PKD1L3: variants seen among roughly 807,000 people sequenced by gnomAD.
PKD1L3 encodes the protein polycystin 1 like 3, transient receptor potential channel interacting.
PKD1L3 carries 239 observed loss-of-function variants against 184.1 expected under a neutral mutation model. The ratio of observed to expected loss-of-function variants is 1.30; its 90% confidence interval spans 1.17 to 1.45. The LOEUF (loss-of-function observed/expected upper bound fraction) is 1.45, where lower values mean the gene tolerates loss of function less well. PKD1L3 is among the 40% of genes most tolerant of loss of function. The probability of loss-of-function intolerance (pLI) is 0.00; values close to 1 mark genes in which losing one functional copy is unlikely to be tolerated. For missense variants in PKD1L3, 2,660 were observed against 2,067.2 expected (o/e 1.29, Z -5.56); for synonymous variants, 996 against 778.8 (o/e 1.28, Z -4.64).
rs552886843 is a variant in PKD1L3, at chr16:71,961,128, TTC to T, written c.2612+2075_2612+2076del. On this transcript the variant is annotated intron_variant, in intron 16 of 29. Transcript: ENST00000620267. ...TTTTTAGTTTCAAGACTTATTTGTT[TTC>T]TCTGTTTTGTTTTGAGATGGAGTCT... Among the ~76,000 whole-genome samples the T allele has an allele frequency of 9.2e-5, 14 of 152,212 alleles. No homozygotes were observed. The East Asian group carries it at 2.7e-3, about 29-fold the overall frequency.
chr16:71,976,179 C>T (rs949251388), intron 11 of PKD1L3, among the ~76,000 whole-genome samples: 22 of 151,586 alleles, frequency 1.5e-4, no homozygotes, highest in Non-Finnish European at 3.1e-4. Context: ...AACTCCTGAC[C>T]TAAGTTGATC....
Position 71,973,308 on chromosome 16 carries a change from C to T in PKD1L3, c.1953+16G>A, listed in dbSNP as rs756978981. 148 of 1,549,932 alleles carry T rather than the reference C, an allele frequency of 9.5e-5. No homozygotes were observed. The highest frequency in any genetic ancestry group is 1.6e-4 in the Admixed American group (8 of 50,924). ...TATGGCAGAAGAGAGGCCCAAGAAGCGGCTCAGTTTCTTACTTGGCATCCG... is the reference window on the plus strand; with the variant it reads ...TATGGCAGAAGAGAGGCCCAAGAAGTGGCTCAGTTTCTTACTTGGCATCCG... On this transcript the variant is annotated intron_variant, in intron 12 of 29. Coordinates refer to ENST00000620267, the MANE Select transcript of PKD1L3 (RefSeq NM_181536.2).
intron 18 of PKD1L3, among the ~76,000 whole-genome samples, chr16:71,952,358 G>A: frequency 6.6e-6 from 1 of 151,458 alleles, no homozygotes; most frequent in East Asian, 1.9e-4. Flanking sequence ...GACTACAGAT[G>A]CATGCCATCA....
intron 16 of PKD1L3, among the ~76,000 whole-genome samples, chr16:71,961,306 A>T (rs1193943313): frequency 9.9e-5 from 15 of 151,998 alleles, no homozygotes. Flanking sequence ...TATTTTTGGT[A>T]GAGAAGGGGT....
intron 5 of PKD1L3, among the ~76,000 whole-genome samples, chr16:71,985,996 C>G (rs191247955): frequency 2.3e-3 from 349 of 152,282 alleles, no homozygotes; most frequent in Non-Finnish European, 4.1e-3. Flanking sequence ...CCATCTGAAG[C>G]ATTAAATAGA....
chr16:71,973,961 C>T (rs1003038488), intron 11 of PKD1L3, among the ~76,000 whole-genome samples: 1 of 149,972 alleles, frequency 6.7e-6, no homozygotes, highest in Non-Finnish European at 1.5e-5. Flanking sequence ...GAAATCGCAC[C>T]ACTATACTCT....
intron 5 of PKD1L3, among the ~76,000 whole-genome samples, chr16:71,985,896 C>G (rs556518172): frequency 3.1e-4 from 47 of 152,266 alleles, no homozygotes; most frequent in African/African-American, 1.0e-3. Context: ...AGGAAGGAAA[C>G]AAGGCGGAGA....
Position 71,967,224 on chromosome 16 carries a change from T to C in PKD1L3, c.2378A>G (p.Asp793Gly). 6.4e-7 allele frequency: 1 copy of C among 1,551,650 alleles called. No homozygotes were observed. The highest frequency in any genetic ancestry group is 2.0e-5 in the Admixed American group (1 of 51,004). ...GGTCCAAGTGGTGAGAAGGAAGACA[T>C]CCAGGCCCCCTCGTTCAAAGACTGT... ...QKTVFERGGLDVFLLTTWTSL... is the reference protein window; with the variant it reads ...QKTVFERGGLGVFLLTTWTSL... The change falls in exon 15 of 30, where the codon GAT becomes GGT. Residue 793 changes from aspartate to glycine, a missense_variant. Physicochemically the swap from Asp to Gly is moderately conservative, Grantham distance 94. Coordinates refer to ENST00000620267, the MANE Select transcript of PKD1L3 (RefSeq NM_181536.2).
intron 28 of PKD1L3, 69 bp downstream of exon 28, chr16:71,933,351 A>T: frequency 8.2e-7 from 1 of 1,223,238 alleles, no homozygotes; most frequent in Non-Finnish European, 1.2e-6. Context: ...GGCTGTTTTC[A>T]TAAGGACCCC....
In PKD1L3 at chr16:71,955,707, G is replaced by A. The variant is rs370356360; in HGVS notation, c.2613-1406C>T. ...TGTAGTTTCCACAATCCTCTCCTCT[G>A]TCATGGGAGGAACCAGGTGGAGATA... is the stretch of plus-strand genomic sequence containing the variant. On this transcript the variant is annotated intron_variant, in intron 16 of 29. Transcript: ENST00000620267. 1.2e-4 allele frequency among the ~76,000 whole-genome samples: 19 copies of A among 152,120 alleles called. 1 individual carries two copies. The East Asian group carries it at 1.4e-3, about 11-fold the overall frequency.
intron 16 of PKD1L3, among the ~76,000 whole-genome samples, chr16:71,957,918 T>C (rs2039109440): frequency 6.6e-6 from 1 of 152,236 alleles, no homozygotes; most frequent in South Asian, 2.1e-4. Context: ...ATCTGTGCTG[T>C]CTTCTTACAA....
chr16:71,946,592 C>T (rs2065423009), intron 22 of PKD1L3, among the ~76,000 whole-genome samples: 1 of 151,596 alleles, frequency 6.6e-6, no homozygotes, highest in African/African-American at 2.4e-5. Context: ...AGGGTAGGCA[C>T]TCTCCAGCAT....
chr16:71,945,435 T>C (rs888293039), intron 22 of PKD1L3, among the ~76,000 whole-genome samples: 12 of 148,260 alleles, frequency 8.1e-5, no homozygotes, highest in African/African-American at 2.5e-4. Context: ...TATATATGTA[T>C]TGGGAGGCCA....
Position 71,963,225 on chromosome 16 carries a change from C to A in PKD1L3, c.2592G>T (p.Lys864Asn). The change falls in exon 16 of 30, where the codon AAG (lysine) becomes AAT (asparagine). Residue 864 changes from lysine (K) to asparagine (N), a missense_variant. By Grantham distance (94) the Lys-to-Asn change is moderately conservative. Coordinates refer to ENST00000620267, the MANE Select transcript of PKD1L3 (RefSeq NM_181536.2). ...ELDRVFIPVS[K>N]RELFSFRHLF... Reference sequence around the variant, plus strand: ...AGTACCTAAAGGAAAAGAGCTCTCTCTTTGAAACTGGGATGAAGACCCGGT... The same window carrying A: ...AGTACCTAAAGGAAAAGAGCTCTCTATTTGAAACTGGGATGAAGACCCGGT... The A allele has an allele frequency of 6.4e-7, 1 of 1,550,402 alleles. No homozygotes were observed. Among genetic ancestry groups the A allele is most frequent in the Non-Finnish European group, 8.7e-7 (1 of 1,146,372 alleles).
chr16:71,993,168 A>C, intron 3 of PKD1L3, 48 bp downstream of exon 3: 1 of 1,321,546 alleles, frequency 7.6e-7, no homozygotes, highest in Non-Finnish European at 1.0e-6. Context: ...CTTTTAGCAG[A>C]AATTGATTCC....
Position 71,931,009 on chromosome 16 carries a change from A to G in PKD1L3, c.4927-826T>C, listed in dbSNP as rs1020553460. The G allele has an allele frequency of 3.3e-5, 5 of 152,352 alleles. No homozygotes were observed. In the South Asian group the frequency reaches 6.2e-4, roughly 19 times the overall value. The allele number at this position is 152,352 out of a possible 1,614,324, so 9.4% of individuals were successfully genotyped here. ...TTCAGGTCAACCAGATAATGTGGGC[A>G]ATCTCTGAGTTTGTGATACAAGACT... On this transcript the variant is annotated intron_variant, in intron 28 of 29. Transcript: ENST00000620267.
intron 19 of PKD1L3, among the ~76,000 whole-genome samples, chr16:71,951,323 A>C (rs75888697): frequency 0.1 from 15,390 of 152,278 alleles, 998 homozygotes; most frequent in Non-Finnish European, 0.14. Flanking sequence ...TACAGGCGTG[A>C]CCCACATCTG....
intron 27 of PKD1L3, 113 bp downstream of exon 27, chr16:71,933,802 G>C (rs765502132): frequency 6.5e-5 from 78 of 1,199,576 alleles, no homozygotes; most frequent in Non-Finnish European, 8.4e-5. Flanking sequence ...TCTAAACCCG[G>C]CTTTCCTACT....
At position 71,998,263 on chromosome 16, in the gene PKD1L3, A is replaced by G; in HGVS notation, c.418+9T>C. 1.3e-6 allele frequency: 2 copies of G among 1,551,802 alleles called. No individual in the cohort carries two copies. Among genetic ancestry groups the G allele is most frequent in the Middle Eastern group, 1.7e-4 (1 of 5,996 alleles). ...TGGGTCTTTGGCAGCATGTAGCTTT[A>G]TCACTTACCAGTCTGGCAAATGAAA... On this transcript the variant is annotated intron_variant, in intron 2 of 29. Transcript: ENST00000620267.
Sources: allele counts gnomAD v4.1 joint callset (sites outside exome capture counted in the v4.1 genomes callset), GRCh38; gene constraint gnomAD v4.1.1; transcripts MANE v1.5; gene names NCBI Gene and HGNC (gene_info 2026-07-23, HGNC 2026-07-21).